Variants in ANKRD36C observed in about 807,000 individuals in gnomAD.
ANKRD36C encodes the protein ankyrin repeat domain 36C.
Under a neutral mutation model 276.4 loss-of-function variants are expected in ANKRD36C, and 61 were observed. The ratio of observed to expected loss-of-function variants is 0.22; its 90% confidence interval spans 0.18 to 0.27. ANKRD36C has a LOEUF of 0.27. Ranked by LOEUF, ANKRD36C falls within the 10% of genes least tolerant of loss-of-function variation. The pLI is 1.00. For missense variants in ANKRD36C, 1,447 were observed against 2,032.3 expected (o/e 0.71, Z 5.54); for synonymous variants, 483 against 680.1 (o/e 0.71, Z 4.51).
chr2:95,948,246 T>C (rs1373906980), intron 17 of ANKRD36C, among the ~76,000 whole-genome samples: 5 of 152,180 alleles, frequency 3.3e-5, no homozygotes, highest in Admixed American at 6.5e-5. Context: ...TCTCCTCTGT[T>C]GTGGGAAAGC....
At chr2:95,921,037 T>C (rs1677249621) in intron 34 of ANKRD36C, among the ~76,000 whole-genome samples, 1 of 150,538 alleles carries the variant, frequency 6.6e-6, no homozygotes, top group South Asian at 2.1e-4. Context: ...TTTAGGCACA[T>C]ATTCCAAATG....
intron 48 of ANKRD36C, among the ~76,000 whole-genome samples, chr2:95,889,510 G>C (rs2104343784): frequency 6.6e-6 from 1 of 151,584 alleles, no homozygotes; most frequent in South Asian, 2.1e-4. Flanking sequence ...AAAACATGCT[G>C]TAGAATTAAA....
intron 6 of ANKRD36C, among the ~76,000 whole-genome samples, chr2:95,975,649 C>T (rs1193652223): frequency 1.3e-5 from 2 of 152,142 alleles, no homozygotes; most frequent in African/African-American, 2.4e-5. Context: ...AAGACTTACA[C>T]GTTAGACCTA....
chr2:95,926,995 G>A (rs182127102), intron 28 of ANKRD36C, among the ~76,000 whole-genome samples: 1 of 151,510 alleles, frequency 6.6e-6, no homozygotes, highest in African/African-American at 2.4e-5. Context: ...GCTCTCCAAC[G>A]TTTATTCTTC....
chr2:95,961,425 T>A (rs2104505749), intron 8 of ANKRD36C, among the ~76,000 whole-genome samples: 1 of 152,204 alleles, frequency 6.6e-6, no homozygotes, highest in African/African-American at 2.4e-5. Context: ...GCATTAGATA[T>A]GAATAAGCTT....
chr2:95,886,105 T>C (rs1192899582), exon 52 of ANKRD36C: 1 of 1,610,446 alleles, frequency 6.2e-7, no homozygotes, highest in South Asian at 1.1e-5. Flanking sequence ...ACAGAATCTT[T>C]CTTGACACTT....
chr2:95,977,667 A>T (rs1232458372), intron 6 of ANKRD36C, among the ~76,000 whole-genome samples: 1 of 151,976 alleles, frequency 6.6e-6, no homozygotes, highest in Non-Finnish European at 1.5e-5. Context: ...CAACATACCA[A>T]ATATGTATTT....
intron 17 of ANKRD36C, among the ~76,000 whole-genome samples, chr2:95,946,882 G>A (rs1312791735): frequency 6.6e-6 from 1 of 151,584 alleles, no homozygotes; most frequent in Non-Finnish European, 1.5e-5. Flanking sequence ...TACAGGAAGG[G>A]GAATATCACA....
At chr2:95,910,908 G>C (rs1452355213) in intron 42 of ANKRD36C, among the ~76,000 whole-genome samples, 7 of 151,252 alleles carry the variant, frequency 4.6e-5, no homozygotes, top group African/African-American at 1.7e-4. Flanking sequence ...GAGAATCAAT[G>C]TCAAAGCAGG....
At chr2:95,864,612 A>T (rs1675647681) in intron 60 of ANKRD36C, among the ~76,000 whole-genome samples, 1 of 152,030 alleles carries the variant, frequency 6.6e-6, no homozygotes, top group South Asian at 2.1e-4. Context: ...AAAGAAATAA[A>T]ATTGTCTTTA....
At chr2:95,946,156 GAAAAAAA>G (rs56964568) in intron 17 of ANKRD36C, among the ~76,000 whole-genome samples, 21 of 73,304 alleles carry the variant, frequency 2.9e-4, no homozygotes, top group Admixed American at 5.2e-4. Flanking sequence ...ACAGAGAGAG[GAAAAAAA>G]AAAAAAAAAA....
intron 58 of ANKRD36C, among the ~76,000 whole-genome samples, chr2:95,879,937 T>C (rs1291134493): frequency 5.6e-5 from 8 of 142,606 alleles, no homozygotes; most frequent in African/African-American, 2.1e-4. Flanking sequence ...TCCCAGCACT[T>C]TGGGAGGGCG....
chr2:95,965,483 G>A (rs1678569109), intron 6 of ANKRD36C, among the ~76,000 whole-genome samples: 1 of 152,092 alleles, frequency 6.6e-6, no homozygotes, highest in Non-Finnish European at 1.5e-5. Flanking sequence ...GATTTTCTCA[G>A]GGTCATGACA....
chr2:95,852,016 T>C (rs530272489), intron 65 of ANKRD36C, 110 bp downstream of exon 85: 3 of 1,273,608 alleles, frequency 2.4e-6, no homozygotes, highest in African/African-American at 3.0e-5. Context: ...TGAAACTTTT[T>C]TGGCTTCACA....
intron 58 of ANKRD36C, among the ~76,000 whole-genome samples, 179 bp from the exon 79 acceptor site, chr2:95,876,691 A>G (rs1156561545): frequency 1.3e-5 from 2 of 150,192 alleles, no homozygotes. Flanking sequence ...CTCTACTAAA[A>G]AATACAAAAA....
At chr2:95,869,639 A>G (rs1675757625) in intron 59 of ANKRD36C, among the ~76,000 whole-genome samples, 1 of 152,160 alleles carries the variant, frequency 6.6e-6, no homozygotes, top group Admixed American at 6.5e-5. Context: ...TCATCTCACT[A>G]AAGAGTGCCA....
At chr2:95,976,203 T>C (rs951657196) in intron 6 of ANKRD36C, among the ~76,000 whole-genome samples, 9 of 152,332 alleles carry the variant, frequency 5.9e-5, no homozygotes, top group South Asian at 2.1e-4. Context: ...AGTTCAACCA[T>C]TGTGGAAGTC....
intron 20 of ANKRD36C, among the ~76,000 whole-genome samples, chr2:95,940,722 A>T (rs959796300): frequency 6.8e-6 from 1 of 147,492 alleles, no homozygotes; most frequent in African/African-American, 2.5e-5. Flanking sequence ...GAGTTCCCTC[A>T]AGTTTCCTCA....
At chr2:95,922,412 C>G (rs1370769079) in intron 32 of ANKRD36C, among the ~76,000 whole-genome samples, 1 of 151,516 alleles carries the variant, frequency 6.6e-6, no homozygotes, top group Non-Finnish European at 1.5e-5. Context: ...CAACAATTTG[C>G]CTAAGTTTCC....
Sources: allele counts gnomAD v4.1 joint callset (sites outside exome capture counted in the v4.1 genomes callset), GRCh38; gene constraint gnomAD v4.1.1; transcripts MANE v1.5; gene names NCBI Gene and HGNC (gene_info 2026-07-23, HGNC 2026-07-21).